The following MRPL39 variants were observed in gnomAD, a reference collection of about 807,000 sequenced individuals.
MRPL39 encodes mitochondrial ribosomal protein L39.
A neutral mutation model predicts 44.5 loss-of-function variants in MRPL39; 35 were observed. The ratio of observed to expected loss-of-function variants is 0.79; its 90% confidence interval spans 0.60 to 1.04. MRPL39 has a LOEUF of 1.04. Ranked by LOEUF, MRPL39 falls within the 50% of genes least tolerant of loss-of-function variation. The pLI is 0.00. For synonymous variants in MRPL39, 139 were observed against 136.1 expected (o/e 1.02, Z -0.15); for missense variants, 433 against 413.5 (o/e 1.05, Z -0.41).
intron 9 of MRPL39, 40 bp from the exon 10 acceptor site, chr21:25,585,794 T>G (rs775872922): frequency 2.1e-6 from 3 of 1,443,646 alleles, no homozygotes; most frequent in Non-Finnish European, 2.9e-6. Context: ...TAATAAACAC[T>G]TTCAGTTTTA....
chr21:25,604,719 C>CA (rs2031614483), intron 2 of MRPL39, among the ~76,000 whole-genome samples: 1 of 152,210 alleles, frequency 6.6e-6, no homozygotes, highest in Admixed American at 6.5e-5. Flanking sequence ...CAAAAGTAGT[C>CA]AAACTACAAG....
chr21:25,592,002 TATACTC>T (rs2031193008), intron 8 of MRPL39, among the ~76,000 whole-genome samples: 1 of 152,224 alleles, frequency 6.6e-6, no homozygotes, highest in East Asian at 1.9e-4. Context: ...GAACTACTGA[TATACTC>T]AATGTACTCG....
intron 9 of MRPL39, 24 bp from the exon 10 acceptor site, chr21:25,585,778 CT>C: frequency 6.4e-7 from 1 of 1,551,742 alleles, no homozygotes; most frequent in Non-Finnish European, 8.8e-7. Context: ...AATAGCTTTA[CT>C]TTCCTAATAA....
intron 8 of MRPL39, among the ~76,000 whole-genome samples, chr21:25,590,960 A>G (rs1426959113): frequency 6.6e-6 from 1 of 152,172 alleles, no homozygotes; most frequent in Non-Finnish European, 1.5e-5. Context: ...AGAGGACCCA[A>G]AAATAGGCCT....
At chr21:25,604,730 G>T (rs972325421) in intron 2 of MRPL39, among the ~76,000 whole-genome samples, 6 of 152,168 alleles carry the variant, frequency 3.9e-5, no homozygotes, top group Non-Finnish European at 5.9e-5. Flanking sequence ...AAACTACAAG[G>T]TCTAAATTAT....
intron 8 of MRPL39, among the ~76,000 whole-genome samples, chr21:25,591,194 A>G (rs1010823127): frequency 4.6e-4 from 68 of 147,680 alleles, no homozygotes; most frequent in Non-Finnish European, 7.9e-4. Flanking sequence ...TTTAGGAGGG[A>G]AAAAAAAAAG....
At chr21:25,586,033 T>C (rs1447831766) in intron 9 of MRPL39, among the ~76,000 whole-genome samples, 1 of 152,216 alleles carries the variant, frequency 6.6e-6, no homozygotes, top group Non-Finnish European at 1.5e-5. Context: ...TAAAACAAAA[T>C]CATTAGTGTA....
At chr21:25,593,286 T>C (rs1351541984) in intron 7 of MRPL39, among the ~76,000 whole-genome samples, 2 of 152,200 alleles carry the variant, frequency 1.3e-5, no homozygotes, top group South Asian at 2.1e-4. Context: ...ATAACCCATG[T>C]AACGAAGCTG....
chr21:25,594,013 G>T, intron 6 of MRPL39, 55 bp from the exon 7 acceptor site: 3 of 1,421,714 alleles, frequency 2.1e-6, no homozygotes, highest in Non-Finnish European at 2.0e-6. Flanking sequence ...GTAAAAAGGT[G>T]TTTAAAGATA....
intron 2 of MRPL39, among the ~76,000 whole-genome samples, chr21:25,604,470 G>A (rs1240945328): frequency 2.6e-5 from 4 of 152,078 alleles, no homozygotes; most frequent in Admixed American, 2.6e-4. Flanking sequence ...CAAAGTAAAA[G>A]GGAAATATAT....
At chr21:25,590,315 CA>C (rs2031132794) in intron 8 of MRPL39, among the ~76,000 whole-genome samples, 1 of 151,666 alleles carries the variant, frequency 6.6e-6, no homozygotes, top group Admixed American at 6.6e-5. Context: ...TTCCCTGGGC[CA>C]CACTGGAAGA....
intron 5 of MRPL39, among the ~76,000 whole-genome samples, chr21:25,598,452 A>AG (rs111718012): frequency 1.9e-4 from 28 of 146,392 alleles, no homozygotes; most frequent in South Asian, 2.1e-4. Context: ...AAAAAAAAAA[A>AG]AGAGAGAGAA....
intron 6 of MRPL39, among the ~76,000 whole-genome samples, chr21:25,596,783 C>A (rs1370569568): frequency 6.6e-6 from 1 of 152,090 alleles, no homozygotes; most frequent in East Asian, 1.9e-4. Flanking sequence ...AGAAGGTGAA[C>A]TGAAAGTTTT....
At chr21:25,605,638 A>G (rs935238467) in intron 2 of MRPL39, among the ~76,000 whole-genome samples, 1 of 152,098 alleles carries the variant, frequency 6.6e-6, no homozygotes, top group African/African-American at 2.4e-5. Flanking sequence ...CCCTAGCTAA[A>G]AGGAGCAAGC....
rs530314803 is a variant in MRPL39, at chr21:25,596,193, G to T, written c.701+1109C>A. Among the ~76,000 whole-genome samples the T allele has an allele frequency of 3.3e-5, 5 of 152,090 alleles. No homozygotes were observed. The East Asian group carries it at 7.7e-4, about 23-fold the overall frequency. ...GGCTCACTGCAAGCTCCGCCTCCCGGGTTCACGCCATTCTCCTGCCTCAGC... is the reference window on the plus strand; with the variant it reads ...GGCTCACTGCAAGCTCCGCCTCCCGTGTTCACGCCATTCTCCTGCCTCAGC... On this transcript the variant is annotated intron_variant, in intron 6 of 9. Coordinates refer to ENST00000352957, the MANE Select transcript of MRPL39 (RefSeq NM_017446.4).
chr21:25,593,030 G>C, intron 7 of MRPL39, 65 bp from the exon 8 acceptor site: 2 of 1,377,680 alleles, frequency 1.5e-6, no homozygotes, highest in Non-Finnish European at 9.8e-7. Context: ...GCTTGAAAAA[G>C]AAATCTCTTC....
At chr21:25,604,354 C>G (rs965890229) in intron 2 of MRPL39, among the ~76,000 whole-genome samples, 4 of 152,088 alleles carry the variant, frequency 2.6e-5, no homozygotes, top group Admixed American at 6.5e-5. Flanking sequence ...TTTGTTCAGG[C>G]TACATCTAGT....
chr21:25,587,560 G>T, intron 9 of MRPL39: 1 of 664,416 alleles, frequency 1.5e-6, no homozygotes, highest in Non-Finnish European at 2.6e-6. Context: ...TCAAAATTTG[G>T]GCTTACACAA....
rs1416323667 is a variant in MRPL39 at position 25,606,595 on chromosome 21, T to C, written c.134A>G (p.Asn45Ser). Residue 45 changes from asparagine (N) to serine (S), a missense_variant, in exon 2 of 10, where the codon AAT (asparagine) becomes AGT (serine). Coordinates refer to ENST00000352957, the MANE Select transcript of MRPL39 (RefSeq NM_017446.4). Reference protein sequence around the residue: ...LSPTELTEMRNDLFNKEKARQ... With the variant: ...LSPTELTEMRSDLFNKEKARQ... The stretch of plus-strand genomic sequence containing the variant: ...GGCTTTCTCTTTATTAAAGAGATCA[T>C]TCCGCATTTCTGTCAATTCTGTCGG... 3 of 1,614,070 alleles carry C rather than the reference T, an allele frequency of 1.9e-6. No individual in the cohort carries two copies. The highest frequency in any genetic ancestry group is 2.5e-6 in the Non-Finnish European group (3 of 1,179,886).
Sources: allele counts gnomAD v4.1 joint callset (sites outside exome capture counted in the v4.1 genomes callset), GRCh38; gene constraint gnomAD v4.1.1; transcripts MANE v1.5; gene names NCBI Gene and HGNC (gene_info 2026-07-23, HGNC 2026-07-21).